The following GPC3 variants were observed in gnomAD, a reference collection of about 807,000 sequenced individuals.
GPC3 encodes the protein glypican 3.
In GPC3, 3 loss-of-function variants were observed where a neutral mutation model predicts 34.4. The ratio of observed to expected loss-of-function variants is 0.09; its 90% CI spans 0.04 to 0.23. The LOEUF (loss-of-function observed/expected upper bound fraction) is 0.23, where lower values mean the gene tolerates loss of function less well. Ranked by LOEUF, GPC3 falls within the 10% of genes least tolerant of loss-of-function variation. GPC3 has a pLI of 1.00. For missense variants in GPC3, 351 were observed against 445.6 expected, an observed-to-expected ratio of 0.79 and a Z score of 1.91; for synonymous variants, 177 against 174.0, an observed-to-expected ratio of 1.02 and a Z score of -0.13.
At position 133,698,957 on chromosome X, in the gene GPC3, G is replaced by A. The variant is rs142124613; in HGVS notation, c.1166+938C>T. Among the ~76,000 whole-genome samples, 18 of 111,963 alleles carry A rather than the reference G, an allele frequency of 1.6e-4. No individual in the cohort carries two copies. In the East Asian group the frequency reaches 4.8e-3, roughly 30 times the overall value. ...GAAAGGCTCCATCTCAGATTCTAAT[G>A]CTTCAGTTTCAAAAAAAGTGAGTAA... is the stretch of plus-strand genomic sequence containing the variant. On this transcript the variant is annotated intron_variant, in intron 4 of 7. Transcript: ENST00000370818.
chrX:133,733,174 T>G lies in GPC3; in HGVS notation c.1032+20308A>C, dbSNP rs138086136. 4.6e-3 allele frequency among the ~76,000 whole-genome samples: 510 copies of G among 111,179 alleles called. 26 individuals carry two copies. In the East Asian group the frequency reaches 0.13, roughly 28 times the overall value. ...CTGGAGGCCATTATTCTAAGTGAAG[T>G]AACAAAGGAGTAGAAAACCAAAAAC... On this transcript the variant is annotated intron_variant, in intron 3 of 7. Coordinates refer to ENST00000370818, the MANE Select transcript of GPC3 (RefSeq NM_004484.4).
At chrX:133,673,521 T>C (rs747614004) in intron 5 of GPC3, among the ~76,000 whole-genome samples, 48 of 112,458 alleles carry the variant, frequency 4.3e-4, no homozygotes, top group African/African-American at 1.5e-3. Flanking sequence ...TTCAAAATAA[T>C]GATCAATAAT....
At chrX:133,624,896 C>G (rs2070282486) in intron 6 of GPC3, among the ~76,000 whole-genome samples, 1 of 110,941 alleles carries the variant, frequency 9.0e-6, no homozygotes. Context: ...CCCTGATGAA[C>G]ATTGATGCAA....
rs1365300160 is a variant in GPC3, at chrX:133,568,787, A to G, written c.1573+27653T>C. 2.7e-5 allele frequency among the ~76,000 whole-genome samples: 3 copies of G among 111,130 alleles called. No homozygotes were observed. In the East Asian group the frequency reaches 8.5e-4, roughly 32 times the overall value. On this transcript the variant is annotated intron_variant, in intron 7 of 7. Transcript: ENST00000370818. ...GGCAAAAGTATTCTAGATAGAAAAAAATGGTATATAGAGAGGCACAGAGGC... is the reference window on the plus strand; with the variant it reads ...GGCAAAAGTATTCTAGATAGAAAAAGATGGTATATAGAGAGGCACAGAGGC...
chrX:133,586,580 C>A (rs1179430260), intron 7 of GPC3, among the ~76,000 whole-genome samples: 3 of 111,637 alleles, frequency 2.7e-5, no homozygotes, highest in Non-Finnish European at 3.8e-5. Context: ...ATGCCCTTAC[C>A]GCCCCACTAG....
At chrX:133,788,019 G>C (rs1310635159) in intron 2 of GPC3, among the ~76,000 whole-genome samples, 1 of 101,860 alleles carries the variant, frequency 9.8e-6, no homozygotes, top group Admixed American at 1.1e-4. Flanking sequence ...ATGAATATGC[G>C]TGTACCCTCA....
intron 5 of GPC3, among the ~76,000 whole-genome samples, chrX:133,679,951 C>T (rs142252459): frequency 3.6e-5 from 4 of 111,633 alleles, no homozygotes; most frequent in East Asian, 2.8e-4. Context: ...CCACTGTGCC[C>T]GGCCCACAGT....
intron 7 of GPC3, among the ~76,000 whole-genome samples, chrX:133,586,996 C>G (rs193027848): frequency 2.9e-3 from 321 of 111,393 alleles, no homozygotes; most frequent in Admixed American, 8.7e-3. Flanking sequence ...CTATTTGAAA[C>G]TATATATTAT....
intron 3 of GPC3, among the ~76,000 whole-genome samples, chrX:133,751,927 C>T (rs977593124): frequency 9.0e-6 from 1 of 111,463 alleles, no homozygotes; most frequent in African/African-American, 3.3e-5. Context: ...CTCACTCTTT[C>T]GCCCAGGCTG....
chrX:133,960,175 T>C lies in GPC3; in HGVS notation c.176-6964A>G, dbSNP rs962265818. On this transcript the variant is annotated intron_variant, in intron 1 of 7. Coordinates refer to ENST00000370818, the MANE Select transcript of GPC3 (RefSeq NM_004484.4). ...AATAACGGGGCAAAGCTAACATAAC[T>C]GCAGACTGGCTAGACCCTGGGGCGT... Among the ~76,000 whole-genome samples, 3 of 110,259 alleles carry C rather than the reference T, an allele frequency of 2.7e-5. No homozygotes were observed. In the Admixed American group the frequency reaches 2.9e-4, roughly 11 times the overall value.
chrX:133,539,913 G>A (rs928718900), intron 7 of GPC3, among the ~76,000 whole-genome samples: 1 of 112,384 alleles, frequency 8.9e-6, no homozygotes, highest in Non-Finnish European at 1.9e-5. Flanking sequence ...GACATTTCTG[G>A]ACAGGGGAAA....
intron 7 of GPC3, among the ~76,000 whole-genome samples, chrX:133,591,646 C>A (rs1225818757): frequency 8.9e-6 from 1 of 111,903 alleles, no homozygotes; most frequent in Admixed American, 9.5e-5. Flanking sequence ...AATTCTTTTA[C>A]ACGATAAATG....
intron 5 of GPC3, among the ~76,000 whole-genome samples, chrX:133,683,716 AC>A (rs1459239682): frequency 8.9e-6 from 1 of 112,269 alleles, no homozygotes; most frequent in Non-Finnish European, 1.9e-5. Flanking sequence ...AATGGAGCAC[AC>A]TGTATTAAGC....
At chrX:133,973,244 T>C (rs1308307768) in intron 1 of GPC3, among the ~76,000 whole-genome samples, 1 of 112,488 alleles carries the variant, frequency 8.9e-6, no homozygotes, top group Admixed American at 9.4e-5. Flanking sequence ...GGAAACAGCA[T>C]GAGCTATGGA....
chrX:133,922,775 GAAAAAC>G (rs1475536173), intron 2 of GPC3, among the ~76,000 whole-genome samples: 2 of 109,559 alleles, frequency 1.8e-5, no homozygotes, highest in East Asian at 2.9e-4. Context: ...GGATCCTCAG[GAAAAAC>G]AAAAACAAAA....
At chrX:133,572,138 A>C in intron 7 of GPC3, among the ~76,000 whole-genome samples, 1 of 111,766 alleles carries the variant, frequency 8.9e-6, no homozygotes, top group East Asian at 2.8e-4. Flanking sequence ...AATCATGTCG[A>C]GTCTATTCTT....
At chrX:133,570,263 G>A (rs1422315188) in intron 7 of GPC3, among the ~76,000 whole-genome samples, 2 of 110,722 alleles carry the variant, frequency 1.8e-5, no homozygotes, top group Non-Finnish European at 3.8e-5. Flanking sequence ...GTGCAATGGC[G>A]TGATCTCGGG....
At chrX:133,724,539 A>G (rs2124458174) in intron 3 of GPC3, among the ~76,000 whole-genome samples, 1 of 111,710 alleles carries the variant, frequency 9.0e-6, no homozygotes, top group East Asian at 2.8e-4. Context: ...TTTAAAAGCC[A>G]CTAATCATTC....
intron 4 of GPC3, among the ~76,000 whole-genome samples, chrX:133,696,961 C>T (rs938733310): frequency 3.6e-5 from 4 of 112,207 alleles, no homozygotes; most frequent in Admixed American, 1.9e-4. Context: ...CCCCTTTGCA[C>T]GCATGAGCCA....
Sources: allele counts gnomAD v4.1 joint callset (sites outside exome capture counted in the v4.1 genomes callset), GRCh38; gene constraint gnomAD v4.1.1; transcripts MANE v1.5; gene names NCBI Gene and HGNC (gene_info 2026-07-23, HGNC 2026-07-21).